CHN2: variants seen among roughly 807,000 people sequenced by gnomAD.
CHN2 encodes beta-chimaerin.
In CHN2, 35 loss-of-function variants were observed where a neutral mutation model predicts 56.3. That is an observed-to-expected ratio of 0.62 (90% CI 0.47 to 0.82). The LOEUF is 0.82. Ranked by LOEUF, CHN2 falls within the 40% of genes least tolerant of loss-of-function variation. The probability of loss-of-function intolerance (pLI) is 0.00; values close to 1 mark genes in which losing one functional copy is unlikely to be tolerated. For missense variants in CHN2, 491 were observed against 580.5 expected, an observed-to-expected ratio of 0.85 and a Z score of 1.58; for synonymous variants, 210 against 212.8, an observed-to-expected ratio of 0.99 and a Z score of 0.12.
intron 1 of CHN2, among the ~76,000 whole-genome samples, chr7:29,195,862 G>T (rs1182247623): frequency 6.6e-6 from 1 of 152,114 alleles, no homozygotes; most frequent in Non-Finnish European, 1.5e-5. Context: ...CAGACCCACT[G>T]GTTTCTGAGT....
At chr7:29,300,342 A>C (rs1177191123) in intron 1 of CHN2, among the ~76,000 whole-genome samples, 1 of 152,146 alleles carries the variant, frequency 6.6e-6, no homozygotes, top group African/African-American at 2.4e-5. Flanking sequence ...GAAAGAAGAG[A>C]CAGGACTTGG....
intron 7 of CHN2, among the ~76,000 whole-genome samples, chr7:29,487,766 C>A (rs1045017427): frequency 6.6e-6 from 1 of 152,190 alleles, no homozygotes; most frequent in Non-Finnish European, 1.5e-5. Flanking sequence ...CCTTCTCCCT[C>A]TCCTTCCTCC....
intron 2 of CHN2, among the ~76,000 whole-genome samples, chr7:29,360,085 G>C (rs889743333): frequency 6.6e-6 from 1 of 152,178 alleles, no homozygotes; most frequent in Non-Finnish European, 1.5e-5. Context: ...TCAGAAAAGT[G>C]GGGGGATCTG....
chr7:29,261,828 C>T (rs538679020), intron 1 of CHN2, among the ~76,000 whole-genome samples: 6 of 152,278 alleles, frequency 3.9e-5, no homozygotes, highest in African/African-American at 1.2e-4. Flanking sequence ...TGTTAGATAT[C>T]GTTATACACA....
chr7:29,296,291 A>C (rs1211399734), intron 1 of CHN2, among the ~76,000 whole-genome samples: 1 of 151,820 alleles, frequency 6.6e-6, no homozygotes, highest in Non-Finnish European at 1.5e-5. Context: ...CGCCATGTTG[A>C]CCAGGCTGGT....
At chr7:29,266,041 A>G (rs1341738695) in intron 1 of CHN2, among the ~76,000 whole-genome samples, 2 of 152,156 alleles carry the variant, frequency 1.3e-5, no homozygotes, top group Non-Finnish European at 2.9e-5. Context: ...AAAAGATCCA[A>G]CTTAGATATT....
intron 2 of CHN2, among the ~76,000 whole-genome samples, chr7:29,165,083 T>TA (rs35490950): frequency 0.11 from 17,353 of 152,174 alleles, 1,128 homozygotes; most frequent in African/African-American, 0.16. Flanking sequence ...TGTCAATTTC[T>TA]AAAAAACAAG....
At chr7:29,509,210 A>G in intron 11 of CHN2, 91 bp from the exon 12 acceptor site, 2 of 862,094 alleles carry the variant, frequency 2.3e-6, no homozygotes, top group Admixed American at 2.0e-5. Flanking sequence ...ATCCTTCCCC[A>G]CTTCTGGCTA....
At chr7:29,402,303 T>C (rs527394215) in intron 6 of CHN2, among the ~76,000 whole-genome samples, 1 of 152,364 alleles carries the variant, frequency 6.6e-6, no homozygotes, top group African/African-American at 2.4e-5. Context: ...GCTGGGCCCA[T>C]GAAAATATAA....
chr7:29,338,399 T>C lies in CHN2; in HGVS notation c.50-16226T>C, dbSNP rs1338653214. Among the ~76,000 whole-genome samples, 8 of 152,310 alleles carry C rather than the reference T, an allele frequency of 5.3e-5. No individual in the cohort carries two copies. In the South Asian group the frequency reaches 1.7e-3, roughly 32 times the overall value. ...GCAGTGTCTAGTATGAGAGACAGAA[T>C]TTTGTAATGAAGAAAAGTATGCTTT... is the stretch of plus-strand genomic sequence containing the variant. On this transcript the variant is annotated intron_variant, in intron 1 of 12. Transcript: ENST00000222792.
At chr7:29,374,725 A>G (rs1799892144) in intron 3 of CHN2, among the ~76,000 whole-genome samples, 1 of 152,186 alleles carries the variant, frequency 6.6e-6, no homozygotes, top group Admixed American at 6.5e-5. Flanking sequence ...TAAATGGGAA[A>G]TTAAACAGTG....
chr7:29,449,901 T>C (rs969803357), intron 6 of CHN2, among the ~76,000 whole-genome samples: 1 of 152,206 alleles, frequency 6.6e-6, no homozygotes, highest in Non-Finnish European at 1.5e-5. Flanking sequence ...AAACCACTCT[T>C]GGAGAATGTT....
intron 1 of CHN2, among the ~76,000 whole-genome samples, chr7:29,294,525 A>G (rs1449650898): frequency 6.6e-6 from 1 of 152,166 alleles, no homozygotes; most frequent in Non-Finnish European, 1.5e-5. Context: ...TGTAACCGCA[A>G]GAAGATACCA....
chr7:29,204,590 G>A (rs1206259266), intron 1 of CHN2, among the ~76,000 whole-genome samples: 1 of 152,080 alleles, frequency 6.6e-6, no homozygotes, highest in Non-Finnish European at 1.5e-5. Flanking sequence ...GGTACCCTTT[G>A]AGTTGTTAAT....
intron 7 of CHN2, among the ~76,000 whole-genome samples, chr7:29,489,451 T>C (rs1163709856): frequency 6.6e-6 from 1 of 152,198 alleles, no homozygotes; most frequent in African/African-American, 2.4e-5. Context: ...TAAGATACGG[T>C]ATATTTCAAT....
At chr7:29,414,923 TC>T (rs147537128) in intron 6 of CHN2, among the ~76,000 whole-genome samples, 6,815 of 152,044 alleles carry the variant, frequency 0.045, 176 homozygotes, top group South Asian at 0.085. Context: ...CCTGCAGTCT[TC>T]CCTGACCTAC....
rs1562881957 is a variant in CHN2, at chr7:29,273,361, A to ATATATATATATATGTGTATG, written c.49+78384_49+78385insGTGTATGTATATATATATAT. ...TATATGTGTATATATATATATATATATATATATATATATATATATATATAT... is the reference window on the plus strand; with the variant it reads ...TATATGTGTATATATATATATATATATATATATATATATGTGTATGTATATATATATATATATATATATAT... On this transcript the variant is annotated intron_variant, in intron 1 of 12. Transcript: ENST00000222792. Among the ~76,000 whole-genome samples the ATATATATATATATGTGTATG allele has an allele frequency of 7.7e-5, 6 of 77,754 alleles. 1 individual carries two copies. The highest frequency in any genetic ancestry group is 1.5e-4 in the Non-Finnish European group (6 of 38,880). 51.0% of individuals were successfully genotyped at this position (77,754 alleles called of 152,430 possible).
At chr7:29,331,500 C>T (rs1490427856) in intron 1 of CHN2, among the ~76,000 whole-genome samples, 1 of 152,122 alleles carries the variant, frequency 6.6e-6, no homozygotes, top group Non-Finnish European at 1.5e-5. Flanking sequence ...TCCGGCATTT[C>T]TCCCGCCACC....
intron 1 of CHN2, among the ~76,000 whole-genome samples, chr7:29,222,056 A>G (rs932450034): frequency 3.3e-5 from 5 of 152,170 alleles, no homozygotes; most frequent in Non-Finnish European, 7.3e-5. Flanking sequence ...TTGCATTTCT[A>G]TACACAAATA....
Sources: allele counts gnomAD v4.1 joint callset (sites outside exome capture counted in the v4.1 genomes callset), GRCh38; gene constraint gnomAD v4.1.1; transcripts MANE v1.5; gene names NCBI Gene and HGNC (gene_info 2026-07-23, HGNC 2026-07-21).